FILIP1L: variants seen among roughly 807,000 people sequenced by gnomAD.
FILIP1L encodes the protein filamin A-interacting protein 1-like.
In FILIP1L, 55 loss-of-function variants were observed where a neutral mutation model predicts 96.6. That is an observed-to-expected ratio of 0.57 (90% CI 0.46 to 0.71). The LOEUF (loss-of-function observed/expected upper bound fraction) is 0.71. Ranked by LOEUF, FILIP1L falls within the 30% of genes least tolerant of loss-of-function variation. The probability of loss-of-function intolerance (pLI) is 0.00; values close to 1 mark genes in which losing one functional copy is unlikely to be tolerated. For missense variants in FILIP1L, 1,304 were observed against 1,321.2 expected (o/e 0.99, Z 0.20); for synonymous variants, 467 against 473.9 (o/e 0.99, Z 0.19).
At chr3:100,087,565 T>C (rs2066031815) in intron 1 of FILIP1L, among the ~76,000 whole-genome samples, 1 of 152,150 alleles carries the variant, frequency 6.6e-6, no homozygotes, top group African/African-American at 2.4e-5. Context: ...ACCTTTTGCT[T>C]TTTTTGTTTA....
intron 1 of FILIP1L, among the ~76,000 whole-genome samples, chr3:99,965,095 C>T (rs1576605679): frequency 6.6e-6 from 1 of 152,238 alleles, no homozygotes; most frequent in Non-Finnish European, 1.5e-5. Context: ...CTAGTAATTA[C>T]CTTGAAAGAT....
Position 99,832,071 on chromosome 3 carries a change from C to A in FILIP1L, c.3382-1466G>T, listed in dbSNP as rs182400405. Among the ~76,000 whole-genome samples, 696 of 152,256 alleles carry A rather than the reference C, an allele frequency of 4.6e-3. 2 individuals are homozygous for A. Among genetic ancestry groups the A allele is most frequent in the South Asian group, 7.1e-3 (34 of 4,822 alleles). ...TGGTGGTCACTGATACTTTCAGGCC[C>A]AGCTGCCTGAAGGTTACTGGGCTCC... On this transcript the variant is annotated intron_variant, in intron 5 of 5. Transcript: ENST00000477258.
chr3:99,918,267 C>T (rs891190567), intron 4 of FILIP1L, among the ~76,000 whole-genome samples: 2 of 152,112 alleles, frequency 1.3e-5, no homozygotes, highest in African/African-American at 2.4e-5. Flanking sequence ...TGAGCCACCA[C>T]GCCCAGCCCC....
chr3:99,942,924 G>A (rs981847536), intron 1 of FILIP1L, among the ~76,000 whole-genome samples: 2 of 152,110 alleles, frequency 1.3e-5, no homozygotes, highest in African/African-American at 4.8e-5. Flanking sequence ...AAGGCACCAA[G>A]CTTGGGTATC....
intron 1 of FILIP1L, among the ~76,000 whole-genome samples, chr3:99,944,150 G>A (rs1399058015): frequency 6.6e-6 from 1 of 152,210 alleles, no homozygotes; most frequent in East Asian, 1.9e-4. Flanking sequence ...CCTCACCAAA[G>A]GGAGGGAGTT....
At chr3:100,107,977 G>A (rs2066423178) in intron 1 of FILIP1L, among the ~76,000 whole-genome samples, 1 of 151,646 alleles carries the variant, frequency 6.6e-6, no homozygotes, top group African/African-American at 2.4e-5. Context: ...AAAATTTCTG[G>A]TTTACATTTA....
intron 1 of FILIP1L, among the ~76,000 whole-genome samples, chr3:99,975,464 C>T (rs894347863): frequency 2.6e-5 from 4 of 151,584 alleles, no homozygotes; most frequent in Non-Finnish European, 5.9e-5. Flanking sequence ...TGGTGGCGGG[C>T]GCCTGTAATC....
intron 5 of FILIP1L, among the ~76,000 whole-genome samples, chr3:99,846,680 G>A (rs1386181205): frequency 6.6e-6 from 1 of 152,176 alleles, no homozygotes; most frequent in Non-Finnish European, 1.5e-5. Flanking sequence ...TCGTCACCAT[G>A]GAAGTGTTTC....
chr3:99,935,089 A>G (rs1707618599), intron 1 of FILIP1L, among the ~76,000 whole-genome samples: 1 of 152,260 alleles, frequency 6.6e-6, no homozygotes, highest in South Asian at 2.1e-4. Context: ...ATAATTAAGT[A>G]TCTAGAGGAA....
chr3:100,084,037 T>C (rs1018198644), intron 1 of FILIP1L, among the ~76,000 whole-genome samples: 1 of 152,166 alleles, frequency 6.6e-6, no homozygotes, highest in Non-Finnish European at 1.5e-5. Context: ...TTTCATAAAA[T>C]AATAATAATG....
intron 1 of FILIP1L, among the ~76,000 whole-genome samples, chr3:100,014,318 T>G (rs557647412): frequency 6.6e-6 from 1 of 152,260 alleles, no homozygotes; most frequent in Non-Finnish European, 1.5e-5. Flanking sequence ...TGTAGATATC[T>G]TTTCAAGATA....
At chr3:99,908,350 A>G (rs1255909021) in intron 4 of FILIP1L, among the ~76,000 whole-genome samples, 1 of 152,204 alleles carries the variant, frequency 6.6e-6, no homozygotes, top group Non-Finnish European at 1.5e-5. Flanking sequence ...AACTGGCTTC[A>G]CTCGTGTTCT....
intron 1 of FILIP1L, among the ~76,000 whole-genome samples, chr3:99,997,739 GA>G (rs1211145334): frequency 6.6e-6 from 1 of 152,154 alleles, no homozygotes; most frequent in Non-Finnish European, 1.5e-5. Context: ...ACAGAGCTAT[GA>G]AAATAAAGAA....
chr3:99,860,367 T>G (rs1385872178), intron 4 of FILIP1L, among the ~76,000 whole-genome samples: 2 of 152,150 alleles, frequency 1.3e-5, no homozygotes, highest in African/African-American at 4.8e-5. Context: ...CCATTAATTA[T>G]AAGGAGCTTG....
chr3:99,909,042 G>A (rs1000361696), intron 4 of FILIP1L, among the ~76,000 whole-genome samples: 2 of 152,210 alleles, frequency 1.3e-5, no homozygotes, highest in African/African-American at 2.4e-5. Flanking sequence ...GTGTGCATGT[G>A]TGTGTGCACA....
At chr3:99,842,443 C>A (rs2107507948) in intron 5 of FILIP1L, among the ~76,000 whole-genome samples, 1 of 149,158 alleles carries the variant, frequency 6.7e-6, no homozygotes, top group Non-Finnish European at 1.5e-5. Context: ...AGAACTTATT[C>A]ATGTAACCAA....
chr3:99,982,143 A>G (rs1709142255), intron 1 of FILIP1L, among the ~76,000 whole-genome samples: 1 of 152,190 alleles, frequency 6.6e-6, no homozygotes, highest in Non-Finnish European at 1.5e-5. Context: ...CTAAAACAAT[A>G]TAAGTGCTAT....
intron 3 of FILIP1L, among the ~76,000 whole-genome samples, chr3:99,928,662 T>C (rs1374398064): frequency 2.0e-5 from 3 of 152,182 alleles, no homozygotes; most frequent in African/African-American, 7.2e-5. Flanking sequence ...CACACTGAAG[T>C]GTTGAGAGGT....
chr3:99,984,402 A>G (rs1446689280), intron 1 of FILIP1L, among the ~76,000 whole-genome samples: 1 of 152,230 alleles, frequency 6.6e-6, no homozygotes, highest in African/African-American at 2.4e-5. Flanking sequence ...GAGCAGAAAC[A>G]GGAGGCACCA....
Sources: gnomAD v4.1 joint callset for allele counts (sites outside exome capture counted in the v4.1 genomes callset) on GRCh38, gnomAD v4.1.1 for gene constraint, MANE v1.5 for transcripts, NCBI Gene and HGNC (gene_info 2026-07-23, HGNC 2026-07-21) for gene names.